Variants in PLXDC2 observed in about 807,000 individuals in gnomAD.
PLXDC2 encodes the protein plexin domain-containing protein 2.
PLXDC2 carries 40 observed loss-of-function variants against 68.9 expected under a neutral mutation model. That is an observed-to-expected ratio of 0.58 (90% CI 0.45 to 0.76). The LOEUF (loss-of-function observed/expected upper bound fraction) is 0.76. Ranked by LOEUF, PLXDC2 falls within the 30% of genes least tolerant of loss-of-function variation. The pLI is 0.00. For missense variants in PLXDC2, 644 were observed against 661.9 expected, an observed-to-expected ratio of 0.97 and a Z score of 0.30; for synonymous variants, 243 against 234.2, an observed-to-expected ratio of 1.04 and a Z score of -0.34.
At chr10:19,958,332 G>T (rs570874211) in intron 1 of PLXDC2, among the ~76,000 whole-genome samples, 2 of 152,018 alleles carry the variant, frequency 1.3e-5, no homozygotes, top group Admixed American at 6.6e-5. Flanking sequence ...GAAAGTGAAC[G>T]TTTAGATTCC....
At chr10:20,007,683 T>TA (rs1835048922) in intron 2 of PLXDC2, among the ~76,000 whole-genome samples, 2 of 152,270 alleles carry the variant, frequency 1.3e-5, no homozygotes, top group South Asian at 2.1e-4. Context: ...GGAATCTGGT[T>TA]AAAATGCATA....
At chr10:20,205,821 T>G (rs1276137237) in intron 9 of PLXDC2, among the ~76,000 whole-genome samples, 1 of 152,026 alleles carries the variant, frequency 6.6e-6, no homozygotes, top group Non-Finnish European at 1.5e-5. Flanking sequence ...GAAACAGGCT[T>G]AGAAAGGGAA....
intron 4 of PLXDC2, among the ~76,000 whole-genome samples, chr10:20,085,923 TCCTACA>T (rs1199607938): frequency 6.6e-6 from 1 of 152,174 alleles, no homozygotes; most frequent in Non-Finnish European, 1.5e-5. Flanking sequence ...AGGCATAAAT[TCCTACA>T]GCTGCCTATA....
At chr10:19,885,786 A>C (rs754052734) in intron 1 of PLXDC2, among the ~76,000 whole-genome samples, 3 of 152,192 alleles carry the variant, frequency 2.0e-5, no homozygotes, top group Admixed American at 6.5e-5. Flanking sequence ...GTCAGGTAGC[A>C]TGATGCCTCC....
At chr10:19,910,121 C>T (rs1015956688) in intron 1 of PLXDC2, among the ~76,000 whole-genome samples, 3 of 151,584 alleles carry the variant, frequency 2.0e-5, no homozygotes, top group South Asian at 2.1e-4. Flanking sequence ...TTGACATCCA[C>T]GAACCCCAGG....
intron 3 of PLXDC2, among the ~76,000 whole-genome samples, chr10:20,059,048 A>C (rs1836052559): frequency 6.6e-6 from 1 of 152,202 alleles, no homozygotes; most frequent in East Asian, 1.9e-4. Flanking sequence ...CTTGCTAGAA[A>C]TGCAGGATTT....
intron 1 of PLXDC2, among the ~76,000 whole-genome samples, chr10:19,835,260 A>G (rs1399205045): frequency 1.3e-5 from 2 of 152,190 alleles, no homozygotes; most frequent in Non-Finnish European, 2.9e-5. Flanking sequence ...TGACAAACTC[A>G]GATGGGCTCT....
At chr10:19,884,031 A>T (rs1370710050) in intron 1 of PLXDC2, among the ~76,000 whole-genome samples, 3 of 149,654 alleles carry the variant, frequency 2.0e-5, no homozygotes, top group African/African-American at 7.4e-5. Flanking sequence ...AGCCAGGGCT[A>T]CAGGTGTGCA....
Position 20,019,670 on chromosome 10 carries a change from A to G in PLXDC2, c.324+17684A>G, listed in dbSNP as rs890737299. ...TTGAGGAAAGGCCATGTGAGGACAC[A>G]GTGGGAAAGTGGCCATCTGAAGACC... On this transcript the variant is annotated intron_variant, in intron 2 of 13. Coordinates refer to ENST00000377252, the MANE Select transcript of PLXDC2 (RefSeq NM_032812.9). 3.9e-5 allele frequency among the ~76,000 whole-genome samples: 6 copies of G among 152,326 alleles called. No individual in the cohort carries two copies. In the East Asian group the frequency reaches 5.8e-4, roughly 15 times the overall value.
At chr10:20,197,766 C>G (rs913630847) in intron 9 of PLXDC2, among the ~76,000 whole-genome samples, 2 of 152,060 alleles carry the variant, frequency 1.3e-5, no homozygotes, top group South Asian at 2.1e-4. Context: ...TCCAGCAACT[C>G]TCCCCGCTCA....
chr10:19,873,406 C>CTTTTTT (rs1049862345), intron 1 of PLXDC2, among the ~76,000 whole-genome samples: 17 of 115,656 alleles, frequency 1.5e-4, no homozygotes, highest in Non-Finnish European at 2.0e-4. Context: ...TCTTCTTCGT[C>CTTTTTT]TTTTTTTTTT....
intron 2 of PLXDC2, among the ~76,000 whole-genome samples, chr10:20,021,951 C>A (rs775680110): frequency 1.1e-4 from 17 of 152,172 alleles, no homozygotes; most frequent in Non-Finnish European, 2.1e-4. Context: ...CCCACCTTGG[C>A]CTCCCAAAGT....
intron 3 of PLXDC2, among the ~76,000 whole-genome samples, chr10:20,049,045 G>A (rs1200937004): frequency 6.6e-6 from 1 of 151,970 alleles, no homozygotes; most frequent in East Asian, 1.9e-4. Context: ...TTTTATTTTA[G>A]ATACCCTGCC....
At position 20,120,294 on chromosome 10, in the gene PLXDC2, G is replaced by A. The variant is rs1347820642; in HGVS notation, c.542-23001G>A. ...CTTGTATCATTCTGAGGACAGGTCTGACTTCTGAGAAGGGAAAGTGATAAA... is the reference window on the plus strand; with the variant it reads ...CTTGTATCATTCTGAGGACAGGTCTAACTTCTGAGAAGGGAAAGTGATAAA... On this transcript the variant is annotated intron_variant, in intron 4 of 13. Coordinates refer to ENST00000377252, the MANE Select transcript of PLXDC2 (RefSeq NM_032812.9). Among the ~76,000 whole-genome samples, 4 of 152,190 alleles carry A rather than the reference G, an allele frequency of 2.6e-5. No homozygotes were observed. In the East Asian group the frequency reaches 7.7e-4, roughly 29 times the overall value.
intron 1 of PLXDC2, among the ~76,000 whole-genome samples, chr10:19,894,714 T>G (rs1338579281): frequency 6.6e-6 from 1 of 152,046 alleles, no homozygotes; most frequent in Non-Finnish European, 1.5e-5. Context: ...GAAATGCAAA[T>G]CGAAACCACA....
chr10:20,086,874 C>T (rs749377610), intron 4 of PLXDC2, among the ~76,000 whole-genome samples: 1 of 152,186 alleles, frequency 6.6e-6, no homozygotes. Context: ...GCCACTTATA[C>T]ATGGCTTGTA....
intron 13 of PLXDC2, among the ~76,000 whole-genome samples, chr10:20,268,085 T>C (rs968371490): frequency 6.6e-6 from 1 of 152,188 alleles, no homozygotes; most frequent in African/African-American, 2.4e-5. Context: ...TGTATGACAA[T>C]ATAATTACAA....
chr10:20,277,801 G>A (rs576075115), intron 13 of PLXDC2, among the ~76,000 whole-genome samples: 1 of 151,974 alleles, frequency 6.6e-6, no homozygotes, highest in East Asian at 1.9e-4. Flanking sequence ...TTCTATTTTT[G>A]GGGGGACCCA....
intron 5 of PLXDC2, among the ~76,000 whole-genome samples, chr10:20,143,883 T>G (rs1834039708): frequency 6.6e-6 from 1 of 152,126 alleles, no homozygotes; most frequent in Non-Finnish European, 1.5e-5. Flanking sequence ...TGTGGGTAGT[T>G]CAACTGAAGA....
Sources: gnomAD v4.1 joint callset for allele counts (sites outside exome capture counted in the v4.1 genomes callset) on GRCh38, gnomAD v4.1.1 for gene constraint, MANE v1.5 for transcripts, NCBI Gene and HGNC (gene_info 2026-07-23, HGNC 2026-07-21) for gene names.